KPNA4: variants seen among roughly 807,000 people sequenced by gnomAD.
KPNA4 encodes the protein karyopherin subunit alpha 4.
In KPNA4, 13 loss-of-function variants were observed where a neutral mutation model predicts 71.3. The observed-to-expected ratio is 0.18, with a 90% CI of 0.12 to 0.29. The LOEUF is 0.29. KPNA4 is among the 10% of genes least tolerant of loss of function. KPNA4 has a pLI of 1.00. For synonymous variants in KPNA4, 189 were observed against 195.2 expected (o/e 0.97, Z 0.26); for missense variants, 334 against 603.2 (o/e 0.55, Z 4.67).
At chr3:160,509,405 C>CA (rs1472341109) in intron 14 of KPNA4, among the ~76,000 whole-genome samples, 1 of 151,764 alleles carries the variant, frequency 6.6e-6, no homozygotes, top group Admixed American at 6.6e-5. Context: ...GTTAAAAAAA[C>CA]AAAACAAAAC....
At chr3:160,504,355 A>G (rs1213601160) in intron 16 of KPNA4, among the ~76,000 whole-genome samples, 2 of 152,198 alleles carry the variant, frequency 1.3e-5, no homozygotes, top group African/African-American at 4.8e-5. Context: ...GCTGCACTGA[A>G]CCACTATAAA....
Position 160,502,215 on chromosome 3 carries a change from AAAG to A in KPNA4, c.1468-16_1468-14del. On this transcript the variant is annotated splice_polypyrimidine_tract_variant and intron_variant, in intron 16 of 16. Transcript: ENST00000334256. ...GGTCTTCATCAATCTAGGTGAAAAA[AAAG>A]AAAAAGAATGTGATAATTAGTTTTA... 3 of 1,401,874 alleles carry A rather than the reference AAAG, an allele frequency of 2.1e-6. No homozygotes were observed. The highest frequency in any genetic ancestry group is 3.0e-6 in the Non-Finnish European group (3 of 1,013,930). The allele number at this position is 1,401,874 out of a possible 1,614,324, so 86.8% of individuals were successfully genotyped here.
intron 8 of KPNA4, among the ~76,000 whole-genome samples, chr3:160,527,648 G>A (rs1392971303): frequency 6.6e-6 from 1 of 152,100 alleles, no homozygotes; most frequent in Non-Finnish European, 1.5e-5. Context: ...GATCAACATG[G>A]GGGTTAGGGG....
At chr3:160,505,921 T>C (rs1308442389) in intron 15 of KPNA4, among the ~76,000 whole-genome samples, 2 of 152,196 alleles carry the variant, frequency 1.3e-5, no homozygotes, top group Non-Finnish European at 1.5e-5. Context: ...ACTCAAACTG[T>C]CCAAAACACA....
intron 15 of KPNA4, 82 bp downstream of exon 15, chr3:160,508,025 A>G: frequency 9.6e-7 from 1 of 1,040,604 alleles, no homozygotes; most frequent in Non-Finnish European, 1.4e-6. Context: ...AGAAAAATAT[A>G]GATGTGCTAT....
chr3:160,502,979 C>T (rs1262923725), intron 16 of KPNA4, among the ~76,000 whole-genome samples: 1 of 152,098 alleles, frequency 6.6e-6, no homozygotes, highest in Non-Finnish European at 1.5e-5. Flanking sequence ...GGCATGGTGG[C>T]ATGCGCCTAT....
rs1720792628 is a variant in KPNA4 at position 160,497,631 on chromosome 3, G to C, written c.*4473C>G. ...TTGGGAGTATTGCCTCAGATATCTG[G>C]GCAAAATTTTTTCCTCCCATAATAT... On this transcript the variant is annotated 3_prime_UTR_variant, in exon 17 of 17. Transcript: ENST00000334256. 6.6e-6 allele frequency: 1 copy of C among 151,980 alleles called. No individual in the cohort carries two copies. Among genetic ancestry groups the C allele is most frequent in the African/African-American group, 2.4e-5 (1 of 41,354 alleles). 9.4% of individuals were successfully genotyped at this position (151,980 alleles called of 1,614,324 possible).
intron 12 of KPNA4, chr3:160,515,249 T>G: frequency 3.1e-6 from 2 of 635,356 alleles, no homozygotes; most frequent in Non-Finnish European, 5.8e-6. Flanking sequence ...AGAGCCAAAA[T>G]TGCACTTTTC....
At chr3:160,521,000 A>C (rs1270881322) in intron 11 of KPNA4, among the ~76,000 whole-genome samples, 1 of 152,190 alleles carries the variant, frequency 6.6e-6, no homozygotes, top group Non-Finnish European at 1.5e-5. Flanking sequence ...CTTTGGGATA[A>C]ATATTATGTG....
chr3:160,565,020 C>T (rs1430141465), intron 1 of KPNA4, among the ~76,000 whole-genome samples, 194 bp downstream of exon 1: 1 of 150,746 alleles, frequency 6.6e-6, no homozygotes, highest in Non-Finnish European at 1.5e-5. Flanking sequence ...CACCTCGCTC[C>T]CCGGCGGAGG....
chr3:160,535,152 C>G (rs1721661966), intron 5 of KPNA4, among the ~76,000 whole-genome samples: 1 of 152,186 alleles, frequency 6.6e-6, no homozygotes, highest in South Asian at 2.1e-4. Context: ...TCTGAAGAAT[C>G]TGACTTTATA....
intron 7 of KPNA4, 70 bp from the exon 8 acceptor site, chr3:160,528,109 TTGC>T: frequency 8.5e-7 from 1 of 1,174,786 alleles, no homozygotes; most frequent in Admixed American, 2.0e-5. Flanking sequence ...CTTTATTTTT[TTGC>T]TGAGACCTCA....
At chr3:160,511,714 T>TTTTA (rs1553784742) in intron 13 of KPNA4, among the ~76,000 whole-genome samples, 1 of 146,476 alleles carries the variant, frequency 6.8e-6, no homozygotes, top group Admixed American at 6.8e-5. Flanking sequence ...TTTGTTATTT[T>TTTTA]TATATATATA....
intron 1 of KPNA4, among the ~76,000 whole-genome samples, chr3:160,551,950 G>GGT (rs1286640118): frequency 1.4e-5 from 2 of 140,186 alleles, no homozygotes; most frequent in African/African-American, 2.5e-5. Context: ...GGGGGGGGGG[G>GGT]GGTGATGTGC....
chr3:160,527,494 C>A (rs575663554), intron 8 of KPNA4, among the ~76,000 whole-genome samples: 1 of 152,246 alleles, frequency 6.6e-6, no homozygotes, highest in Admixed American at 6.5e-5. Flanking sequence ...TTCTAATGTA[C>A]TGAAGTCTGC....
In KPNA4 at chr3:160,505,465, A is replaced by T. The variant is rs1277238588; in HGVS notation, c.1373-413T>A. Reference sequence around the variant, plus strand: ...TAAATTTAAAATACTGGTGATTAATAAATATGATGCTTAAGATACCTGTTA... The same window carrying T: ...TAAATTTAAAATACTGGTGATTAATTAATATGATGCTTAAGATACCTGTTA... On this transcript the variant is annotated intron_variant, in intron 15 of 16. Transcript: ENST00000334256. Among the ~76,000 whole-genome samples the T allele has an allele frequency of 2.0e-5, 3 of 152,222 alleles. No homozygotes were observed. In the East Asian group the frequency reaches 5.8e-4, roughly 29 times the overall value.
At chr3:160,508,544 A>C (rs1338888654) in intron 14 of KPNA4, among the ~76,000 whole-genome samples, 1 of 152,200 alleles carries the variant, frequency 6.6e-6, no homozygotes, top group African/African-American at 2.4e-5. Flanking sequence ...TACTTCCTTC[A>C]AAGATTTTTC....
chr3:160,555,829 T>C (rs1167140309), intron 1 of KPNA4, among the ~76,000 whole-genome samples: 2 of 151,904 alleles, frequency 1.3e-5, no homozygotes, highest in African/African-American at 4.8e-5. Context: ...TTAAATTATT[T>C]ATATTTATTT....
chr3:160,516,412 A>C (rs1182493437), intron 11 of KPNA4, among the ~76,000 whole-genome samples: 4 of 151,142 alleles, frequency 2.6e-5, no homozygotes. Flanking sequence ...AGGAGTCAAT[A>C]AACAAGAAGG....
Sources: gnomAD v4.1 joint callset for allele counts (sites outside exome capture counted in the v4.1 genomes callset) on GRCh38, gnomAD v4.1.1 for gene constraint, MANE v1.5 for transcripts, NCBI Gene and HGNC (gene_info 2026-07-23, HGNC 2026-07-21) for gene names.